HOOK3: variants seen among roughly 807,000 people sequenced by gnomAD.
HOOK3 encodes hook microtubule tethering protein 3.
In HOOK3, 24 loss-of-function variants were observed where a neutral mutation model predicts 116.3. The observed-to-expected ratio is 0.21, with a 90% CI of 0.15 to 0.29. The LOEUF (loss-of-function observed/expected upper bound fraction) is 0.29. HOOK3 is among the 10% of genes least tolerant of loss of function. HOOK3 has a pLI of 1.00. For missense variants in HOOK3, 632 were observed against 830.2 expected, an observed-to-expected ratio of 0.76 and a Z score of 2.93; for synonymous variants, 275 against 283.0, an observed-to-expected ratio of 0.97 and a Z score of 0.28.
chr8:42,961,689 C>T (rs764647208), intron 8 of HOOK3, among the ~76,000 whole-genome samples: 91 of 152,106 alleles, frequency 6.0e-4, no homozygotes, highest in Non-Finnish European at 1.1e-3. Flanking sequence ...AATTAGGAAC[C>T]GTAAAAATAT....
At chr8:42,931,166 A>G (rs1807865068) in intron 4 of HOOK3, among the ~76,000 whole-genome samples, 1 of 152,040 alleles carries the variant, frequency 6.6e-6, no homozygotes, top group Admixed American at 6.6e-5. Context: ...CCTTTGCCCC[A>G]CTGCTGTTGC....
intron 6 of HOOK3, among the ~76,000 whole-genome samples, chr8:42,956,796 C>G (rs1808444997): frequency 6.6e-6 from 1 of 152,132 alleles, no homozygotes; most frequent in Admixed American, 6.6e-5. Flanking sequence ...GTTGGTCAGG[C>G]TGGTCTTGAA....
At chr8:42,975,879 G>A (rs1362921186) in intron 13 of HOOK3, among the ~76,000 whole-genome samples, 1 of 152,044 alleles carries the variant, frequency 6.6e-6, no homozygotes, top group East Asian at 1.9e-4. Flanking sequence ...CTAATTTTTT[G>A]TATTTTTAGT....
At chr8:42,900,582 A>G (rs1428738663) in intron 1 of HOOK3, among the ~76,000 whole-genome samples, 1 of 152,174 alleles carries the variant, frequency 6.6e-6, no homozygotes, top group Admixed American at 6.5e-5. Flanking sequence ...TCCTCTGCCT[A>G]ACTCGATTCT....
chr8:42,946,593 A>G (rs113748251), intron 5 of HOOK3, among the ~76,000 whole-genome samples: 44 of 151,826 alleles, frequency 2.9e-4, no homozygotes, highest in Non-Finnish European at 4.4e-4. Context: ...ACAGATTTCT[A>G]TTAACTTGTT....
chr8:43,004,679 TAAAAA>T (rs71231881), intron 17 of HOOK3, among the ~76,000 whole-genome samples: 1 of 86,660 alleles, frequency 1.2e-5, no homozygotes, highest in Non-Finnish European at 2.2e-5. Flanking sequence ...AGACTCCATC[TAAAAA>T]AAAAAAAAAA....
chr8:42,964,221 G>A (rs1268492678), intron 8 of HOOK3, 90 bp from the exon 9 acceptor site: 1 of 1,313,512 alleles, frequency 7.6e-7, no homozygotes, highest in South Asian at 1.3e-5. Flanking sequence ...TCTATATATA[G>A]GCTTTAATTT....
chr8:42,929,604 G>A (rs1325282473), intron 3 of HOOK3, among the ~76,000 whole-genome samples: 1 of 152,108 alleles, frequency 6.6e-6, no homozygotes, highest in East Asian at 1.9e-4. Context: ...TTACTTTGAT[G>A]TTTGACTAAA....
chr8:42,946,691 G>A (rs1030629100), intron 5 of HOOK3, among the ~76,000 whole-genome samples: 2 of 149,202 alleles, frequency 1.3e-5, no homozygotes, highest in Non-Finnish European at 3.0e-5. Flanking sequence ...CTCCAATTCA[G>A]TATTTTTTAA....
chr8:42,975,037 G>A (rs916275799), intron 13 of HOOK3, among the ~76,000 whole-genome samples: 2 of 152,128 alleles, frequency 1.3e-5, no homozygotes, highest in Non-Finnish European at 1.5e-5. Flanking sequence ...GCGTAGCGAC[G>A]GGAAGGGGTG....
intron 5 of HOOK3, among the ~76,000 whole-genome samples, chr8:42,946,990 C>G (rs1021385482): frequency 6.6e-6 from 1 of 151,984 alleles, no homozygotes; most frequent in Non-Finnish European, 1.5e-5. Flanking sequence ...AGGCTGGTCT[C>G]GAGCTCCTGA....
At chr8:43,004,586 C>T (rs369375925) in intron 17 of HOOK3, among the ~76,000 whole-genome samples, 1 of 148,176 alleles carries the variant, frequency 6.7e-6, no homozygotes. Context: ...AAGGCTGAGG[C>T]AGGATAATTG....
Position 43,023,426 on chromosome 8 carries a change from CTTTTCT to C in HOOK3, c.*4933_*4938del, listed in dbSNP as rs1323548210. On this transcript the variant is annotated 3_prime_UTR_variant, in exon 22 of 22. Coordinates refer to ENST00000307602, the MANE Select transcript of HOOK3 (RefSeq NM_032410.4). Reference sequence around the variant, plus strand: ...CCTTCCTTCCTTCCTTCCTTCCCTTCTTTTCTTTTTTCTTTTCTTTTCTTTTCTCCC... The same window carrying C: ...CCTTCCTTCCTTCCTTCCTTCCCTTCTTTTTCTTTTCTTTTCTTTTCTCCC... 3 of 167,310 alleles carry C rather than the reference CTTTTCT, an allele frequency of 1.8e-5. No homozygotes were observed. Among genetic ancestry groups the C allele is most frequent in the African/African-American group, 7.3e-5 (3 of 41,352 alleles). The allele number at this position is 167,310 out of a possible 1,614,324, so 10.4% of individuals were successfully genotyped here. A position where few individuals can be genotyped will look rare whatever the true frequency, so the allele number is the denominator to read the frequency against.
intron 6 of HOOK3, among the ~76,000 whole-genome samples, chr8:42,954,957 G>A (rs545750591): frequency 6.2e-4 from 95 of 152,292 alleles, no homozygotes; most frequent in South Asian, 1.0e-3. Context: ...AGTTGGTGAG[G>A]TTCGAGAAGC....
chr8:42,911,015 C>T (rs1807416501), intron 2 of HOOK3, among the ~76,000 whole-genome samples: 1 of 151,988 alleles, frequency 6.6e-6, no homozygotes, highest in African/African-American at 2.4e-5. Flanking sequence ...TACTCAAAGG[C>T]CCTGCAGGAT....
At chr8:42,967,925 G>A in intron 10 of HOOK3, 88 bp from the exon 11 acceptor site, 1 of 742,256 alleles carries the variant, frequency 1.3e-6, no homozygotes, top group Non-Finnish European at 2.4e-6. Flanking sequence ...CATTAGATGT[G>A]TGTTTCCTGG....
rs139495723 is a variant in HOOK3, at chr8:42,986,714, C to T, written c.1451C>T (p.Ser484Leu). 1.5e-5 allele frequency: 24 copies of T among 1,613,414 alleles called. No homozygotes were observed. The highest frequency in any genetic ancestry group is 4.0e-5 in the African/African-American group (3 of 74,858). ...ATGTTAAAGCTTAACCAAGAAGGTT[C>T]GGACAATGAAAAAATAGCCTTATTG... is the stretch of plus-strand genomic sequence containing the variant. ...NKMLKLNQEG[S>L]DNEKIALLQS... Residue 484 changes from serine (S) to leucine (L), a missense_variant, in exon 15 of 22, where the codon TCG becomes TTG. This residue lies in a region of HOOK3 where 483 missense variants were observed against 648.1 expected (regional missense o/e 0.75). Transcript: ENST00000307602.
intron 2 of HOOK3, among the ~76,000 whole-genome samples, chr8:42,910,356 C>CT (rs140215413): frequency 0.048 from 7,201 of 151,098 alleles, 339 homozygotes; most frequent in African/African-American, 0.12. Context: ...GAATGCCTTC[C>CT]TTTTTTTTTC....
intron 17 of HOOK3, among the ~76,000 whole-genome samples, chr8:43,007,416 T>A (rs558005335): frequency 2.0e-5 from 3 of 152,354 alleles, no homozygotes; most frequent in South Asian, 4.1e-4. Context: ...TGTTACCGCT[T>A]TGACTTCCTT....
Sources: gnomAD v4.1 joint callset for allele counts (sites outside exome capture counted in the v4.1 genomes callset) on GRCh38, gnomAD v4.1.1 for gene constraint, gnomAD v4.1.1 regional missense constraint, MANE v1.5 for transcripts, NCBI Gene and HGNC (gene_info 2026-07-23, HGNC 2026-07-21) for gene names.